CYP2U1: variants seen among roughly 807,000 people sequenced by gnomAD.
The protein encoded by CYP2U1 is cytochrome P450 2U1.
CYP2U1 carries 28 observed loss-of-function variants against 42.8 expected under a neutral mutation model. The observed-to-expected ratio is 0.65, with a 90% CI of 0.48 to 0.90. The LOEUF is 0.90. CYP2U1 is among the 40% of genes least tolerant of loss of function. The probability of loss-of-function intolerance (pLI) is 0.00; values close to 1 mark genes in which losing one functional copy is unlikely to be tolerated. For missense variants in CYP2U1, 642 were observed against 693.8 expected (o/e 0.93, Z 0.84); for synonymous variants, 296 against 278.9 (o/e 1.06, Z -0.61).
Position 107,947,356 on chromosome 4 carries a change from A to AT in CYP2U1, c.1127-15dup, listed in dbSNP as rs1448088289. The stretch of plus-strand genomic sequence containing the variant: ...CTGTCCCATGCTTATCTTCTGGTTT[A>AT]TTTTTCCCTTTTTACATAGAAAAGG... On this transcript the variant is annotated intron_variant, in intron 2 of 4. Coordinates refer to ENST00000332884, the MANE Select transcript of CYP2U1 (RefSeq NM_183075.3). 1.9e-6 allele frequency: 3 copies of AT among 1,613,156 alleles called. No homozygotes were observed. Among genetic ancestry groups the AT allele is most frequent in the Non-Finnish European group, 2.5e-6 (3 of 1,179,206 alleles).
At chr4:107,948,261 CAAAAAAAAA>C (rs35791632) in intron 3 of CYP2U1, among the ~76,000 whole-genome samples, 2 of 95,408 alleles carry the variant, frequency 2.1e-5, no homozygotes, top group African/African-American at 8.5e-5. Context: ...GCCTCTGTCT[CAAAAAAAAA>C]AAAAAAAAAA....
Position 107,950,491 on chromosome 4 carries a change from A to T in CYP2U1, c.*68A>T, listed in dbSNP as rs571567845. ...ATATCCTTCTAAGCAGATTCTTCCT[A>T]CTGCAAAGGACAGTGAATCCAGCAA... On this transcript the variant is annotated 3_prime_UTR_variant, in exon 5 of 5. Transcript: ENST00000332884. The T allele has an allele frequency of 9.6e-6, 14 of 1,454,594 alleles. No individual in the cohort carries two copies. The South Asian group carries it at 1.7e-4, about 18-fold the overall frequency. The allele number at this position is 1,454,594 out of a possible 1,614,324, so 90.1% of individuals were successfully genotyped here. A position where few individuals can be genotyped will look rare whatever the true frequency, so the allele number is the denominator to read the frequency against.
chr4:107,950,646 G>C lies in CYP2U1; in HGVS notation c.*223G>C. The C allele has an allele frequency of 2.5e-6, 1 of 406,914 alleles. No homozygotes were observed. Among genetic ancestry groups the C allele is most frequent in the Non-Finnish European group, 4.3e-6 (1 of 231,552 alleles). The allele number at this position is 406,914 out of a possible 1,614,324, so 25.2% of individuals were successfully genotyped here. On this transcript the variant is annotated 3_prime_UTR_variant, in exon 5 of 5. Coordinates refer to ENST00000332884, the MANE Select transcript of CYP2U1 (RefSeq NM_183075.3). ...ATGCAGGTCTGTGATTTGGGGGATA[G>C]AAAACAAAGTACCTATGAAACGGGA...
At position 107,953,138 on chromosome 4, in the gene CYP2U1, A is replaced by G. The variant is rs1052612359; in HGVS notation, c.*2715A>G. The G allele has an allele frequency of 6.6e-6, 1 of 152,230 alleles. No homozygotes were observed. The highest frequency in any genetic ancestry group is 2.4e-5 in the African/African-American group (1 of 41,462). 9.4% of individuals were successfully genotyped at this position (152,230 alleles called of 1,614,324 possible). On this transcript the variant is annotated 3_prime_UTR_variant, in exon 5 of 5. Coordinates refer to ENST00000332884, the MANE Select transcript of CYP2U1 (RefSeq NM_183075.3). ...ACAAGTATATTACTCCTTAAATTAT[A>G]CATGCATTTTCAATATTCCTAACCA...
intron 1 of CYP2U1, 131 bp from the exon 2 acceptor site, chr4:107,944,839 C>CATATATATATATAT (rs374845038): frequency 0.014 from 872 of 64,076 alleles, 153 homozygotes; most frequent in African/African-American, 0.033. Context: ...TTTATATATA[C>CATATATATATATAT]ATATATATAT....
At chr4:107,948,696 A>G (rs1733800936) in intron 3 of CYP2U1, among the ~76,000 whole-genome samples, 1 of 151,946 alleles carries the variant, frequency 6.6e-6, no homozygotes, top group South Asian at 2.1e-4. Context: ...TCATGTCCAG[A>G]CTCTCTTTAA....
At chr4:107,932,422 G>T (rs1733046764) in intron 1 of CYP2U1, among the ~76,000 whole-genome samples, 1 of 152,228 alleles carries the variant, frequency 6.6e-6, no homozygotes, top group Non-Finnish European at 1.5e-5. Context: ...GGACAAGGTG[G>T]CAAGCCAGGT....
intron 4 of CYP2U1, among the ~76,000 whole-genome samples, 187 bp downstream of exon 4, chr4:107,949,704 A>G (rs537706709): frequency 6.6e-6 from 1 of 152,292 alleles, no homozygotes; most frequent in African/African-American, 2.4e-5. Context: ...TTGGTTTTAA[A>G]TCTCTAAATG....
chr4:107,948,592 A>AATC (rs367769005), intron 3 of CYP2U1, among the ~76,000 whole-genome samples: 4,278 of 150,750 alleles, frequency 0.028, 95 homozygotes, highest in African/African-American at 0.061. Context: ...TAATAATAAT[A>AATC]ATCATCATCA....
intron 3 of CYP2U1, among the ~76,000 whole-genome samples, chr4:107,948,556 C>T (rs1733793635): frequency 1.3e-5 from 2 of 152,066 alleles, no homozygotes. Flanking sequence ...GCCTGGGTGA[C>T]AGAGTGAGAC....
At chr4:107,948,592 A>ATCATC (rs1553937836) in intron 3 of CYP2U1, among the ~76,000 whole-genome samples, 20 of 150,694 alleles carry the variant, frequency 1.3e-4, no homozygotes, top group Admixed American at 1.2e-3. Flanking sequence ...TAATAATAAT[A>ATCATC]ATCATCATCA....
In CYP2U1 at chr4:107,950,625, A is replaced by C. The variant is rs1192110380; in HGVS notation, c.*202A>C. On this transcript the variant is annotated 3_prime_UTR_variant, in exon 5 of 5. Transcript: ENST00000332884. ...GATACTTCAGCCATTTTAGTAATGC[A>C]GGTCTGTGATTTGGGGGATAGAAAA... is the stretch of plus-strand genomic sequence containing the variant. 2.2e-6 allele frequency: 1 copy of C among 451,832 alleles called. No homozygotes were observed. 28.0% of individuals were successfully genotyped at this position (451,832 alleles called of 1,614,324 possible).
chr4:107,931,872 C>T lies in CYP2U1; in HGVS notation c.229C>T (p.Leu77=), dbSNP rs1732996673. The T allele has an allele frequency of 2.6e-6, 4 of 1,547,874 alleles. No individual in the cohort carries two copies. In the East Asian group the frequency reaches 7.3e-5, roughly 28 times the overall value. The change falls in exon 1 of 5, where the codon CTG becomes TTG. Residue 77 remains leucine (L), a synonymous_variant. Transcript: ENST00000332884. ...GGTGGGCAACTTCGGTCACGTGCTG[C>T]TGCCTCCCTTCCTCCGGCGGCGGAG... ...PLVGNFGHVL[L]PPFLRRRSWL... is the part of the protein sequence containing the mutation.
intron 1 of CYP2U1, among the ~76,000 whole-genome samples, chr4:107,935,298 CTATT>C (rs1733218607): frequency 6.6e-6 from 1 of 152,078 alleles, no homozygotes; most frequent in African/African-American, 2.4e-5. Flanking sequence ...TATTAAATCT[CTATT>C]TAGAAAAGGG....
intron 1 of CYP2U1, among the ~76,000 whole-genome samples, chr4:107,942,354 AAAAAT>A (rs772689678): frequency 1.1e-4 from 17 of 152,362 alleles, no homozygotes; most frequent in East Asian, 3.9e-4. Flanking sequence ...TGTGTTTAAA[AAAAAT>A]AAAATAAAGG....
Position 107,931,895 on chromosome 4 carries a change from G to C in CYP2U1, c.252G>C (p.Arg84=). 6.5e-7 allele frequency: 1 copy of C among 1,549,340 alleles called. No homozygotes were observed. The highest frequency in any genetic ancestry group is 2.4e-5 in the East Asian group (1 of 40,894). The stretch of plus-strand genomic sequence containing the variant: ...TGCTGCCTCCCTTCCTCCGGCGGCG[G>C]AGCTGGCTGAGCAGCAGGACCAGGG... ...HVLLPPFLRR[R]SWLSSRTRAA... Residue 84 remains arginine (R), a synonymous_variant, in exon 1 of 5, where the codon CGG becomes CGC. Coordinates refer to ENST00000332884, the MANE Select transcript of CYP2U1 (RefSeq NM_183075.3).
intron 1 of CYP2U1, chr4:107,940,110 C>G (rs1733429316): frequency 6.7e-6 from 1 of 149,308 alleles, no homozygotes; most frequent in Admixed American, 6.7e-5. Flanking sequence ...GACAGAGTCT[C>G]ACTGTGTCAC....
intron 1 of CYP2U1, among the ~76,000 whole-genome samples, chr4:107,932,799 A>C (rs563603396): frequency 6.6e-6 from 1 of 152,192 alleles, no homozygotes; most frequent in Non-Finnish European, 1.5e-5. Context: ...ACTCCTACGC[A>C]TCAGTCAGGT....
chr4:107,948,989 C>G (rs1216998848), intron 3 of CYP2U1, among the ~76,000 whole-genome samples: 1 of 152,162 alleles, frequency 6.6e-6, no homozygotes, highest in Non-Finnish European at 1.5e-5. Flanking sequence ...ATAAATGACC[C>G]TGTAAACTAA....
Sources: gnomAD v4.1 joint callset for allele counts (sites outside exome capture counted in the v4.1 genomes callset) on GRCh38, gnomAD v4.1.1 for gene constraint, MANE v1.5 for transcripts, NCBI Gene and HGNC (gene_info 2026-07-23, HGNC 2026-07-21) for gene names.